The following DCHS2 variants were observed in gnomAD, a reference collection of about 807,000 sequenced individuals.
DCHS2 encodes dachsous cadherin-related 2, also known as protocadherin-23.
DCHS2 carries 142 observed loss-of-function variants against 182.4 expected under a neutral mutation model. The ratio of observed to expected loss-of-function variants is 0.78; its 90% CI spans 0.68 to 0.89. The LOEUF (loss-of-function observed/expected upper bound fraction) is 0.89, where lower values mean the gene tolerates loss of function less well. DCHS2 is among the 40% of genes least tolerant of loss of function. The pLI is 0.00. For synonymous variants in DCHS2, 1,740 were observed against 1,663.3 expected, an observed-to-expected ratio of 1.05 and a Z score of -1.12; for missense variants, 4,319 against 4,198.6, an observed-to-expected ratio of 1.03 and a Z score of -0.79.
At chr4:154,296,533 A>G (rs1734933577) in intron 13 of DCHS2, among the ~76,000 whole-genome samples, 1 of 152,212 alleles carries the variant, frequency 6.6e-6, no homozygotes, top group South Asian at 2.1e-4. Flanking sequence ...TAGAAACTAT[A>G]CATTATTTTA....
At chr4:154,387,063 T>C (rs991968725) in intron 1 of DCHS2, among the ~76,000 whole-genome samples, 6 of 152,340 alleles carry the variant, frequency 3.9e-5, no homozygotes, top group African/African-American at 1.4e-4. Flanking sequence ...CCTTTTAAAA[T>C]GTATGTTAAG....
At chr4:154,328,248 T>C (rs1048709572) in intron 6 of DCHS2, 56 bp from the exon 7 acceptor site, 2 of 1,253,768 alleles carry the variant, frequency 1.6e-6, no homozygotes, top group Non-Finnish European at 2.3e-6. Context: ...AAAAGAAATA[T>C]CAGTGGACCT....
intron 7 of DCHS2, among the ~76,000 whole-genome samples, chr4:154,323,761 G>C (rs549852403): frequency 1.3e-4 from 20 of 151,758 alleles, no homozygotes; most frequent in Non-Finnish European, 2.4e-4. Context: ...TTACCTTCAG[G>C]CTATGCATAT....
chr4:154,390,938 G>A lies in DCHS2; in HGVS notation c.2053-13494C>T, dbSNP rs187861916. ...TTTTATTTATCCAAAAATGAATTTG[G>A]ATTACAAATACTATATGTCTATCAT... On this transcript the variant is annotated intron_variant, in intron 1 of 19. Transcript: ENST00000357232. 2.5e-3 allele frequency among the ~76,000 whole-genome samples: 375 copies of A among 152,260 alleles called. 1 individual carries two copies. The highest frequency in any genetic ancestry group is 0.01 in the Middle Eastern group (3 of 294).
chr4:154,367,152 G>A (rs1730419539), intron 2 of DCHS2, among the ~76,000 whole-genome samples: 1 of 152,208 alleles, frequency 6.6e-6, no homozygotes, highest in Non-Finnish European at 1.5e-5. Flanking sequence ...AGAGAGGCAG[G>A]AGTGAGTCCT....
chr4:154,471,901 AT>A (rs1038994304), intron 1 of DCHS2, among the ~76,000 whole-genome samples: 1 of 152,148 alleles, frequency 6.6e-6, no homozygotes, highest in Non-Finnish European at 1.5e-5. Context: ...TAGGTCGGTG[AT>A]TTGAACACTG....
chr4:154,397,809 A>G (rs888344124), intron 1 of DCHS2, among the ~76,000 whole-genome samples: 8 of 152,210 alleles, frequency 5.3e-5, no homozygotes, highest in Non-Finnish European at 1.2e-4. Flanking sequence ...ACAGCTTCTC[A>G]AAATGAGGAG....
At chr4:154,330,228 T>C (rs1736466702) in intron 5 of DCHS2, among the ~76,000 whole-genome samples, 1 of 152,232 alleles carries the variant, frequency 6.6e-6, no homozygotes, top group Non-Finnish European at 1.5e-5. Flanking sequence ...AAGCTGTTAT[T>C]ACTACTTTAA....
chr4:154,267,166 A>G (rs1015322788), intron 14 of DCHS2, among the ~76,000 whole-genome samples: 16 of 152,242 alleles, frequency 1.1e-4, no homozygotes, highest in African/African-American at 3.6e-4. Context: ...GATTTCCAGC[A>G]TTACATTACA....
At chr4:154,361,551 T>C (rs1433215993) in intron 3 of DCHS2, among the ~76,000 whole-genome samples, 2 of 152,110 alleles carry the variant, frequency 1.3e-5, no homozygotes, top group African/African-American at 4.8e-5. Flanking sequence ...CTCAAAACAG[T>C]GTGGTCTGCC....
In DCHS2 at chr4:154,234,762, G is replaced by A. The variant is rs61746111; in HGVS notation, c.9890C>T (p.Pro3297Leu). The change falls in exon 20 of 20, where the codon CCG (proline) becomes CTG (leucine). Residue 3297 changes from proline to leucine, a missense_variant. Coordinates refer to ENST00000357232, the MANE Select transcript of DCHS2 (RefSeq NM_001358235.2). ...AGGCACCTGCCCCAGGTTTACTGCCGGCATTCTTGGTGGGACTGCTTTAAT... is the reference window on the plus strand; with the variant it reads ...AGGCACCTGCCCCAGGTTTACTGCCAGCATTCTTGGTGGGACTGCTTTAAT... ...PGIKAVPPRM[P>L]AVNLGQVPPK... The A allele has an allele frequency of 2.1e-3, 3,426 of 1,613,976 alleles. 55 individuals are homozygous for A. The African/African-American group carries it at 0.04, about 19-fold the overall frequency.
intron 16 of DCHS2, among the ~76,000 whole-genome samples, chr4:154,245,268 T>C (rs1020245024): frequency 9.9e-5 from 15 of 152,194 alleles, no homozygotes; most frequent in African/African-American, 3.6e-4. Flanking sequence ...ACTCACTCCA[T>C]GTTCCACAAC....
intron 1 of DCHS2, among the ~76,000 whole-genome samples, chr4:154,417,698 G>A (rs1399514320): frequency 6.6e-6 from 1 of 152,116 alleles, no homozygotes; most frequent in African/African-American, 2.4e-5. Flanking sequence ...TCCTAACATG[G>A]CCAGGGGGAA....
intron 1 of DCHS2, among the ~76,000 whole-genome samples, chr4:154,482,242 A>T (rs1445991749): frequency 6.6e-6 from 1 of 152,246 alleles, no homozygotes; most frequent in Non-Finnish European, 1.5e-5. Flanking sequence ...TTCTCATATG[A>T]AACATATTAG....
chr4:154,459,975 GA>G (rs1181593453), intron 1 of DCHS2, among the ~76,000 whole-genome samples: 2 of 152,166 alleles, frequency 1.3e-5, no homozygotes, highest in African/African-American at 4.8e-5. Flanking sequence ...ACCAGCAGCT[GA>G]TTGGAGCTTT....
At position 154,235,960 on chromosome 4, in the gene DCHS2, ACTGT is replaced by A. The variant is rs749518525; in HGVS notation, c.8688_8691del (p.Arg2896SerfsTer2). 3 of 1,614,044 alleles carry A rather than the reference ACTGT, an allele frequency of 1.9e-6. No homozygotes were observed. Among genetic ancestry groups the A allele is most frequent in the African/African-American group, 2.7e-5 (2 of 75,048 alleles). ...TCTGAGGCTTCCACTCTGCCAATCA[ACTGT>A]CTGTCTTTATTCTTTTCTGGGAGGG... is the stretch of plus-strand genomic sequence containing the variant. On this transcript the variant is annotated frameshift_variant, in exon 20 of 20. Transcript: ENST00000357232. LOFTEE classifies it low-confidence loss of function (END_TRUNC).
intron 15 of DCHS2, among the ~76,000 whole-genome samples, chr4:154,257,501 A>C (rs1388068992): frequency 6.6e-6 from 1 of 152,148 alleles, no homozygotes; most frequent in Non-Finnish European, 1.5e-5. Context: ...TTTCAGGGAG[A>C]GAAAGTCTGT....
At position 154,235,916 on chromosome 4, in the gene DCHS2, A is replaced by G. The variant is rs1731462071; in HGVS notation, c.8736T>C (p.Asp2912=). The change falls in exon 20 of 20, where the codon GAT becomes GAC. Residue 2912 remains aspartate (D), a synonymous_variant. Coordinates refer to ENST00000357232, the MANE Select transcript of DCHS2 (RefSeq NM_001358235.2). ...VEASDADAGI[D]GVILYSLGTS... ...TTCCAAGGGAGTAAAGAATGACTCC[A>G]TCAATACCAGCATCTGCATCTGAGG... is the stretch of plus-strand genomic sequence containing the variant. The G allele has an allele frequency of 1.2e-6, 2 of 1,614,078 alleles. No individual in the cohort carries two copies. The highest frequency in any genetic ancestry group is 1.3e-5 in the African/African-American group (1 of 75,050).
chr4:154,261,509 G>C (rs1732983609), intron 14 of DCHS2, among the ~76,000 whole-genome samples: 1 of 152,142 alleles, frequency 6.6e-6, no homozygotes, highest in African/African-American at 2.4e-5. Context: ...ACTATGGCCT[G>C]GGAGCTGCAG....
Sources: allele counts gnomAD v4.1 joint callset (sites outside exome capture counted in the v4.1 genomes callset), GRCh38; gene constraint gnomAD v4.1.1; transcripts MANE v1.5; gene names NCBI Gene and HGNC (gene_info 2026-07-23, HGNC 2026-07-21).